Variants in SQLE observed in about 807,000 individuals in gnomAD.
SQLE encodes the protein squalene monooxygenase.
In SQLE, 29 loss-of-function variants were observed where a neutral mutation model predicts 60.7. The ratio of observed to expected loss-of-function variants is 0.48; its 90% CI spans 0.36 to 0.65. The LOEUF (loss-of-function observed/expected upper bound fraction) is 0.65. Among genes scored for constraint, SQLE ranks in the 30% least tolerant of loss-of-function variants. The probability of loss-of-function intolerance (pLI) is 0.00; values close to 1 mark genes in which losing one functional copy is unlikely to be tolerated. For synonymous variants in SQLE, 237 were observed against 246.8 expected (o/e 0.96, Z 0.37); for missense variants, 605 against 684.1 (o/e 0.88, Z 1.29).
At chr8:125,014,558 C>T (rs1815082601) in intron 7 of SQLE, among the ~76,000 whole-genome samples, 1 of 152,034 alleles carries the variant, frequency 6.6e-6, no homozygotes, top group Admixed American at 6.5e-5. Context: ...AAAACTTTCC[C>T]TTTAAGTATT....
chr8:125,019,440 C>T (rs952999655), intron 9 of SQLE, among the ~76,000 whole-genome samples: 2 of 151,028 alleles, frequency 1.3e-5, no homozygotes, highest in African/African-American at 4.9e-5. Context: ...AAAAGATCAG[C>T]AAGGCATGGT....
intron 3 of SQLE, 59 bp from the exon 4 acceptor site, chr8:125,007,332 A>G (rs968849679): frequency 6.5e-5 from 84 of 1,290,476 alleles, no homozygotes; most frequent in Admixed American, 1.6e-4. Context: ...AGGAATTTAT[A>G]TTTAATTTAA....
In SQLE at chr8:125,006,924, T is replaced by C. The variant is rs192400339; in HGVS notation, c.726-467T>C. ...TTCACCATGTTGGCCAGGATGGCCT[T>C]GATCTCCTGACCTTGTGATCCGCCC... On this transcript the variant is annotated intron_variant, in intron 3 of 10. Coordinates refer to ENST00000265896, the MANE Select transcript of SQLE (RefSeq NM_003129.4). Among the ~76,000 whole-genome samples, 683 of 152,110 alleles carry C rather than the reference T, an allele frequency of 4.5e-3. 3 individuals are homozygous for C. The highest frequency in any genetic ancestry group is 5.3e-3 in the African/African-American group (221 of 41,550).
At chr8:125,003,534 TA>T in intron 2 of SQLE, 106 bp downstream of exon 2, 1 of 1,359,150 alleles carries the variant, frequency 7.4e-7, no homozygotes, top group East Asian at 2.3e-5. Context: ...TTTTCATTTA[TA>T]AAATTTTCTA....
intron 4 of SQLE, among the ~76,000 whole-genome samples, chr8:125,008,573 G>C (rs1327849599): frequency 6.6e-6 from 1 of 152,184 alleles, no homozygotes; most frequent in Non-Finnish European, 1.5e-5. Context: ...CTAAGCCCTA[G>C]CTGCTGACTA....
At chr8:125,014,607 G>A (rs1244771504) in intron 7 of SQLE, among the ~76,000 whole-genome samples, 1 of 151,888 alleles carries the variant, frequency 6.6e-6, no homozygotes, top group East Asian at 1.9e-4. Flanking sequence ...TATTGTCTTT[G>A]CATTTTTATT....
chr8:125,000,861 G>A (rs911234387), intron 1 of SQLE, among the ~76,000 whole-genome samples: 7 of 152,130 alleles, frequency 4.6e-5, no homozygotes, highest in African/African-American at 1.7e-4. Flanking sequence ...AGCAGTAAAC[G>A]CCCACTTGCT....
chr8:125,013,415 C>T (rs1163166348), intron 7 of SQLE, among the ~76,000 whole-genome samples: 12 of 144,666 alleles, frequency 8.3e-5, no homozygotes, highest in Non-Finnish European at 1.6e-4. Flanking sequence ...TGCGATGGTG[C>T]GATCTCGGCT....
intron 9 of SQLE, chr8:125,018,971 G>C (rs931122012): frequency 2.4e-6 from 1 of 414,132 alleles, no homozygotes; most frequent in Non-Finnish European, 4.3e-6. Context: ...TCATTATTTT[G>C]AATTCCTCTG....
chr8:125,021,195 T>G (rs752694491), intron 10 of SQLE, among the ~76,000 whole-genome samples: 1 of 152,164 alleles, frequency 6.6e-6, no homozygotes, highest in African/African-American at 2.4e-5. Context: ...AAGAATTAGT[T>G]TCATTGAAGT....
intron 1 of SQLE, among the ~76,000 whole-genome samples, chr8:125,002,445 A>T (rs1441132639): frequency 6.6e-6 from 1 of 152,230 alleles, no homozygotes; most frequent in East Asian, 1.9e-4. Context: ...TGGGAGGCTG[A>T]GGCAGGAGGA....
intron 4 of SQLE, 22 bp downstream of exon 4, chr8:125,007,509 C>T: frequency 6.8e-7 from 1 of 1,478,542 alleles, no homozygotes; most frequent in Non-Finnish European, 9.2e-7. Context: ...CAAATGTCAC[C>T]TCTTCCTAAG....
Position 125,009,152 on chromosome 8 carries a change from TTTC to T in SQLE, c.937-17_937-15del, listed in dbSNP as rs770066119. 4.4e-6 allele frequency: 7 copies of T among 1,573,124 alleles called. No homozygotes were observed. In the Admixed American group the frequency reaches 9.8e-5, roughly 22 times the overall value. ...TGAAATTTGAAAATTATTAAAACAT[TTTC>T]TTTTTATTTGTTTTAGAATGCACCA... On this transcript the variant is annotated splice_polypyrimidine_tract_variant and intron_variant, in intron 5 of 10. Transcript: ENST00000265896.
chr8:125,022,036 A>T lies in SQLE; in HGVS notation c.*91A>T. On this transcript the variant is annotated 3_prime_UTR_variant, in exon 11 of 11. Coordinates refer to ENST00000265896, the MANE Select transcript of SQLE (RefSeq NM_003129.4). ...GAGGATATATATAGCATAGTACCAT[A>T]CCACTTATAAAGTGGAAACTCTTGG... 1 of 887,030 alleles carries T rather than the reference A, an allele frequency of 1.1e-6. No individual in the cohort carries two copies. Among genetic ancestry groups the T allele is most frequent in the African/African-American group, 1.7e-5 (1 of 57,724 alleles). The allele number at this position is 887,030 out of a possible 1,614,324, so 54.9% of individuals were successfully genotyped here.
intron 10 of SQLE, among the ~76,000 whole-genome samples, chr8:125,021,541 A>AAGG (rs1554588624): frequency 3.6e-5 from 5 of 139,620 alleles, no homozygotes; most frequent in Non-Finnish European, 4.6e-5. Context: ...AAAAAAAAAA[A>AAGG]GGGGGGTGGG....
intron 10 of SQLE, 158 bp downstream of exon 10, chr8:125,021,029 A>G (rs1324136602): frequency 6.7e-6 from 4 of 598,736 alleles, no homozygotes; most frequent in Middle Eastern, 6.4e-4. Context: ...AAGAAACGCA[A>G]TATTTAGTAC....
At chr8:125,018,321 A>C in intron 8 of SQLE, 120 bp downstream of exon 8, 1 of 1,036,192 alleles carries the variant, frequency 9.7e-7, no homozygotes, top group Non-Finnish European at 1.4e-6. Context: ...AATAGCTCTT[A>C]GGCATCTTGC....
rs890306516 is a variant in SQLE, at chr8:124,998,622, G to A, written c.-782G>A. 7.3e-6 allele frequency: 5 copies of A among 683,916 alleles called. No homozygotes were observed. Among genetic ancestry groups the A allele is most frequent in the Admixed American group, 2.1e-5 (1 of 48,092 alleles). 42.4% of individuals were successfully genotyped at this position (683,916 alleles called of 1,614,324 possible). On this transcript the variant is annotated 5_prime_UTR_variant, in exon 1 of 11. Coordinates refer to ENST00000265896, the MANE Select transcript of SQLE (RefSeq NM_003129.4). ...GGGATGCTGGTGAGGAAGCCGTCGGGAGCCGCCGCCGCCATCTGAGGGAGG... is the reference window on the plus strand; with the variant it reads ...GGGATGCTGGTGAGGAAGCCGTCGGAAGCCGCCGCCGCCATCTGAGGGAGG...
Position 125,016,200 on chromosome 8 carries a change from C to T in SQLE, c.1205-1859C>T, listed in dbSNP as rs1275461678. Among the ~76,000 whole-genome samples, 1 of 124,360 alleles carries T rather than the reference C, an allele frequency of 8.0e-6. No homozygotes were observed. The highest frequency in any genetic ancestry group is 1.6e-5 in the Non-Finnish European group (1 of 63,508). 81.6% of individuals were successfully genotyped at this position (124,360 alleles called of 152,430 possible). A position where few individuals can be genotyped will look rare whatever the true frequency, so the allele number is the denominator to read the frequency against. ...TTTTTTCTTCAAATAAACTTTCTACCCTCATCTTTCTATCTCCTTTTAAAG... is the reference window on the plus strand; with the variant it reads ...TTTTTTCTTCAAATAAACTTTCTACTCTCATCTTTCTATCTCCTTTTAAAG... On this transcript the variant is annotated intron_variant, in intron 7 of 10. Transcript: ENST00000265896. This position sits in a 1 kb window ranked among gnomAD's most constrained non-coding sequence, Gnocchi z 4.1.
Sources: gnomAD v4.1 joint callset for allele counts (sites outside exome capture counted in the v4.1 genomes callset) on GRCh38, gnomAD v4.1.1 for gene constraint, Gnocchi (gnomAD v3.1) non-coding constraint, MANE v1.5 for transcripts, NCBI Gene and HGNC (gene_info 2026-07-23, HGNC 2026-07-21) for gene names.